The following NECAB1 variants were observed in gnomAD, a reference collection of about 807,000 sequenced individuals.
NECAB1 encodes the protein N-terminal EF-hand calcium binding protein 1.
In NECAB1, 29 loss-of-function variants were observed where a neutral mutation model predicts 57.5. The observed-to-expected ratio is 0.50, with a 90% CI of 0.38 to 0.69. The LOEUF is 0.69. NECAB1 is among the 30% of genes least tolerant of loss of function. NECAB1 has a pLI of 0.00. For synonymous variants in NECAB1, 142 were observed against 147.7 expected (o/e 0.96, Z 0.28); for missense variants, 372 against 413.8 (o/e 0.90, Z 0.88).
At chr8:90,892,649 ATCT>A (rs1018244802) in intron 5 of NECAB1, among the ~76,000 whole-genome samples, 5 of 152,138 alleles carry the variant, frequency 3.3e-5, no homozygotes, top group African/African-American at 1.2e-4. Context: ...GGTCACGTCC[ATCT>A]TCTTCCCTCG....
chr8:90,900,027 A>T (rs1308422461), intron 5 of NECAB1, among the ~76,000 whole-genome samples: 1 of 152,140 alleles, frequency 6.6e-6, no homozygotes, highest in Non-Finnish European at 1.5e-5. Context: ...CTTGAAGAGT[A>T]CCTTAGTGTT....
At chr8:90,853,813 G>C in intron 3 of NECAB1, among the ~76,000 whole-genome samples, 1 of 152,166 alleles carries the variant, frequency 6.6e-6, no homozygotes, top group South Asian at 2.1e-4. Context: ...AAGGCTTTAA[G>C]ATGGGTGGTA....
chr8:90,911,423 A>G (rs1023461656), intron 5 of NECAB1, among the ~76,000 whole-genome samples: 4 of 152,112 alleles, frequency 2.6e-5, no homozygotes, highest in Non-Finnish European at 5.9e-5. Flanking sequence ...TATATTATAA[A>G]TTGTGTCTAA....
At chr8:90,814,700 T>A (rs1812027803) in intron 2 of NECAB1, among the ~76,000 whole-genome samples, 1 of 152,096 alleles carries the variant, frequency 6.6e-6, no homozygotes, top group Non-Finnish European at 1.5e-5. Context: ...ACCCTCATAA[T>A]TATGGGTGGG....
intron 2 of NECAB1, among the ~76,000 whole-genome samples, chr8:90,814,882 G>A (rs963094563): frequency 1.3e-5 from 2 of 152,078 alleles, no homozygotes; most frequent in Non-Finnish European, 2.9e-5. Flanking sequence ...TGTCATCATT[G>A]CTTCTAAGCC....
intron 12 of NECAB1, among the ~76,000 whole-genome samples, chr8:90,954,700 A>C (rs1405195718): frequency 6.6e-6 from 1 of 151,592 alleles, no homozygotes; most frequent in African/African-American, 2.4e-5. Context: ...TATTATTTAT[A>C]ACCTACTTGC....
chr8:90,866,715 G>T (rs752434345), intron 3 of NECAB1, among the ~76,000 whole-genome samples: 2 of 152,008 alleles, frequency 1.3e-5, no homozygotes, highest in African/African-American at 4.8e-5. Flanking sequence ...ACAAATCAAC[G>T]CCAGTTAGAA....
chr8:90,906,204 G>A (rs1224191923), intron 5 of NECAB1, among the ~76,000 whole-genome samples: 2 of 152,132 alleles, frequency 1.3e-5, no homozygotes, highest in African/African-American at 4.8e-5. Flanking sequence ...ACAGAACTGA[G>A]GTGAGTTAAT....
At chr8:90,853,707 A>G (rs1345124998) in intron 3 of NECAB1, among the ~76,000 whole-genome samples, 1 of 152,196 alleles carries the variant, frequency 6.6e-6, no homozygotes, top group Non-Finnish European at 1.5e-5. Context: ...ACATTAAGAA[A>G]CTAGTATTGT....
Position 90,925,591 on chromosome 8 carries a change from G to A in NECAB1, c.551G>A (p.Ser184Asn). 6.2e-7 allele frequency: 1 copy of A among 1,613,582 alleles called. No individual in the cohort carries two copies. The highest frequency in any genetic ancestry group is 8.5e-7 in the Non-Finnish European group (1 of 1,179,758). ...ATTCAATGGCCTGGAAAACGATCAA[G>A]CCGCCGAGTCCAGAGACACAACAGC... ...LSIQWPGKRS[S>N]RRVQRHNSFS... The change falls in exon 7 of 13, where the codon AGC becomes AAC. Residue 184 changes from serine to asparagine, a missense_variant. Transcript: ENST00000417640.
At chr8:90,904,950 G>A (rs867671145) in intron 5 of NECAB1, among the ~76,000 whole-genome samples, 1 of 152,266 alleles carries the variant, frequency 6.6e-6, no homozygotes, top group East Asian at 1.9e-4. Context: ...AGACTTACAT[G>A]TGTAAAAATT....
chr8:90,943,043 A>AT (rs1310406189), intron 10 of NECAB1, among the ~76,000 whole-genome samples: 1 of 139,148 alleles, frequency 7.2e-6, no homozygotes, highest in African/African-American at 3.3e-5. Context: ...TTTTATATTT[A>AT]TAAAAAAGGC....
chr8:90,791,954 AC>A lies in NECAB1; in HGVS notation c.70del (p.Leu24CysfsTer12). 6.4e-7 allele frequency: 1 copy of A among 1,552,764 alleles called. No homozygotes were observed. The highest frequency in any genetic ancestry group is 8.7e-7 in the Non-Finnish European group (1 of 1,147,578). ...NSSEELSSAL[H>X]LSKGMSIFLD... Reference sequence around the variant, plus strand: ...TCGGAGGAGCTCAGCTCTGCTCTGCACCTGTCCAAGGGCATGTCGATCTTCC... The same window carrying A: ...TCGGAGGAGCTCAGCTCTGCTCTGCACTGTCCAAGGGCATGTCGATCTTCC... On this transcript the variant is annotated frameshift_variant, in exon 1 of 13. Coordinates refer to ENST00000417640, the MANE Select transcript of NECAB1 (RefSeq NM_022351.5). LOFTEE classifies it high-confidence loss of function.
chr8:90,826,543 G>A (rs1812228707), intron 3 of NECAB1, among the ~76,000 whole-genome samples: 1 of 151,884 alleles, frequency 6.6e-6, no homozygotes, highest in Admixed American at 6.6e-5. Flanking sequence ...TGCGGCTTAG[G>A]TGTTGGACGT....
At chr8:90,889,971 G>GTA (rs1303913792) in intron 5 of NECAB1, among the ~76,000 whole-genome samples, 2 of 152,066 alleles carry the variant, frequency 1.3e-5, no homozygotes, top group African/African-American at 4.8e-5. Flanking sequence ...GTGTGTGTGT[G>GTA]TGTGTTTGTG....
Position 90,828,558 on chromosome 8 carries a change from A to G in NECAB1, c.233+3733A>G, listed in dbSNP as rs1394676726. On this transcript the variant is annotated intron_variant, in intron 3 of 12. Coordinates refer to ENST00000417640, the MANE Select transcript of NECAB1 (RefSeq NM_022351.5). ...GACTGTTTGCCAGAATTCCTAATCT[A>G]TATATCCTGAAGATTTCATTCAGAG... is the stretch of plus-strand genomic sequence containing the variant. 2.6e-5 allele frequency among the ~76,000 whole-genome samples: 4 copies of G among 152,054 alleles called. No homozygotes were observed. The South Asian group carries it at 6.2e-4, about 24-fold the overall frequency.
intron 1 of NECAB1, among the ~76,000 whole-genome samples, chr8:90,793,079 G>C (rs1350431545): frequency 6.6e-6 from 1 of 152,176 alleles, no homozygotes; most frequent in Non-Finnish European, 1.5e-5. Context: ...GTCAAAATGA[G>C]TGGGAGATGG....
intron 3 of NECAB1, among the ~76,000 whole-genome samples, chr8:90,862,373 T>A (rs1377478470): frequency 6.6e-6 from 1 of 152,150 alleles, no homozygotes; most frequent in Non-Finnish European, 1.5e-5. Context: ...GATACCTTTT[T>A]ACCTTTTGGA....
At chr8:90,818,980 C>T (rs1476805140) in intron 2 of NECAB1, among the ~76,000 whole-genome samples, 1 of 151,826 alleles carries the variant, frequency 6.6e-6, no homozygotes, top group Non-Finnish European at 1.5e-5. Flanking sequence ...ATTTTAAATG[C>T]TCACAAAAAC....
Sources: allele counts gnomAD v4.1 joint callset (sites outside exome capture counted in the v4.1 genomes callset), GRCh38; gene constraint gnomAD v4.1.1; transcripts MANE v1.5; gene names NCBI Gene and HGNC (gene_info 2026-07-23, HGNC 2026-07-21).